DNAH5: variants seen among roughly 807,000 people sequenced by gnomAD.
The protein encoded by DNAH5 is dynein axonemal heavy chain 5.
Under a neutral mutation model 518.2 loss-of-function variants are expected in DNAH5, and 372 were observed. That is an observed-to-expected ratio of 0.72 (90% CI 0.66 to 0.78). The LOEUF (loss-of-function observed/expected upper bound fraction) is 0.78, where lower values mean the gene tolerates loss of function less well. DNAH5 is among the 30% of genes least tolerant of loss of function. The pLI, the probability that DNAH5 is intolerant of heterozygous loss-of-function variation, is 0.00. For missense variants in DNAH5, 5,523 were observed against 5,687.0 expected, an observed-to-expected ratio of 0.97 and a Z score of 0.93; for synonymous variants, 2,039 against 2,025.9, an observed-to-expected ratio of 1.01 and a Z score of -0.17.
At position 13,901,506 on chromosome 5, in the gene DNAH5, T is replaced by C. The variant is rs1007969837; in HGVS notation, c.1798A>G (p.Ile600Val). ...GTATACAGCTTTGAAATCATATCAATGTCAGCCCCATAGTTCTCAAGGATA... is the reference window on the plus strand; with the variant it reads ...GTATACAGCTTTGAAATCATATCAACGTCAGCCCCATAGTTCTCAAGGATA... ...QLILENYGAD[I>V]DMISKLYTKQ... Residue 600 changes from isoleucine (I) to valine (V), a missense_variant, in exon 14 of 79, where the codon ATT becomes GTT. Around this residue, in one of 3 missense-constraint regions of DNAH5, gnomAD observed 5,121 missense variants for 5,223.3 expected, o/e 0.98. Coordinates refer to ENST00000265104, the MANE Select transcript of DNAH5 (RefSeq NM_001369.3). The C allele has an allele frequency of 3.1e-6, 5 of 1,613,640 alleles. No homozygotes were observed. In the African/African-American group the frequency reaches 6.7e-5, roughly 22 times the overall value.
intron 28 of DNAH5, among the ~76,000 whole-genome samples, chr5:13,863,694 C>T (rs78866001): frequency 0.02 from 3,053 of 152,260 alleles, 117 homozygotes; most frequent in African/African-American, 0.069. Flanking sequence ...GTTTTTCCAT[C>T]ATTCTTCCCT....
At chr5:13,858,444 G>A (rs1767934587) in intron 30 of DNAH5, among the ~76,000 whole-genome samples, 1 of 152,128 alleles carries the variant, frequency 6.6e-6, no homozygotes, top group Non-Finnish European at 1.5e-5. Flanking sequence ...GGGAGGGATA[G>A]CATTAGGAGA....
At chr5:13,933,606 C>T (rs532599140) in intron 1 of DNAH5, among the ~76,000 whole-genome samples, 9 of 152,016 alleles carry the variant, frequency 5.9e-5, no homozygotes, top group East Asian at 3.9e-4. Context: ...GCCTGGCCAA[C>T]GTGCCAAAAC....
chr5:13,955,385 A>G (rs1780695168), intron 1 of DNAH5, among the ~76,000 whole-genome samples: 1 of 152,210 alleles, frequency 6.6e-6, no homozygotes, highest in African/African-American at 2.4e-5. Flanking sequence ...ATGTCTTTAT[A>G]GCAATGTGAA....
intron 58 of DNAH5, 110 bp from the exon 59 acceptor site, chr5:13,766,289 G>A (rs926682207): frequency 8.6e-7 from 1 of 1,165,338 alleles, no homozygotes; most frequent in Non-Finnish European, 1.3e-6. Context: ...ACTGTTTTAA[G>A]TTAGATGCAG....
chr5:13,889,919 C>G (rs1265716079), intron 17 of DNAH5, among the ~76,000 whole-genome samples: 7 of 152,078 alleles, frequency 4.6e-5, no homozygotes, highest in Admixed American at 2.0e-4. Context: ...TCTTGGAGAC[C>G]CCGGCACATC....
rs1753252767 is a variant in DNAH5, at chr5:13,770,922, C to T, written c.9432G>A (p.Glu3144=). ...DIDCSLEIKK[E]VVQCMGSFQD... is the part of the protein sequence containing the mutation. ...GGAAGGAGCCCATGCATTGGACCACCTCCTTCTTGATTTCCAAACTGCAGT... is the reference window on the plus strand; with the variant it reads ...GGAAGGAGCCCATGCATTGGACCACTTCCTTCTTGATTTCCAAACTGCAGT... The change falls in exon 56 of 79, where the codon GAG becomes GAA. Residue 3144 remains glutamate, a synonymous_variant. Transcript: ENST00000265104. 6.2e-7 allele frequency: 1 copy of T among 1,614,128 alleles called. No individual in the cohort carries two copies. The highest frequency in any genetic ancestry group is 1.3e-5 in the African/African-American group (1 of 75,052).
chr5:13,892,926 G>C (rs1188004677), intron 16 of DNAH5, among the ~76,000 whole-genome samples: 1 of 152,094 alleles, frequency 6.6e-6, no homozygotes, highest in African/African-American at 2.4e-5. Context: ...TCTCTGGCTT[G>C]ATATTCATTC....
At chr5:13,734,347 G>A (rs1391550745) in intron 68 of DNAH5, among the ~76,000 whole-genome samples, 2 of 152,164 alleles carry the variant, frequency 1.3e-5, no homozygotes, top group African/African-American at 2.4e-5. Flanking sequence ...ATAGCATTGA[G>A]AACTAAGATA....
intron 32 of DNAH5, among the ~76,000 whole-genome samples, chr5:13,843,376 A>G (rs895321): frequency 0.4 from 60,960 of 151,936 alleles, 12,626 homozygotes; most frequent in East Asian, 0.61. Context: ...TCCGTAATGT[A>G]ATGCACCTGG....
At chr5:13,943,284 T>C (rs1049483853) in intron 1 of DNAH5, among the ~76,000 whole-genome samples, 4 of 152,204 alleles carry the variant, frequency 2.6e-5, no homozygotes, top group African/African-American at 9.7e-5. Context: ...TAAAGGAAGA[T>C]TATTTTAAAA....
intron 29 of DNAH5, chr5:13,860,674 A>G (rs1301207669): frequency 6.6e-6 from 1 of 152,204 alleles, no homozygotes; most frequent in Non-Finnish European, 1.5e-5. Context: ...CCCCCATTCC[A>G]ACCTGAACCA....
intron 1 of DNAH5, among the ~76,000 whole-genome samples, chr5:13,933,451 CCACCAGTAT>C (rs1448604847): frequency 1.1e-4 from 17 of 152,084 alleles, no homozygotes; most frequent in Non-Finnish European, 1.5e-5. Context: ...AAATTGGGGA[CCACCAGTAT>C]CCCAGGAGCA....
At chr5:13,762,986 T>G (rs1751991402) in intron 59 of DNAH5, 85 bp from the exon 60 acceptor site, 1 of 1,167,086 alleles carries the variant, frequency 8.6e-7, no homozygotes, top group African/African-American at 1.5e-5. Flanking sequence ...CCACTGAAAC[T>G]ACTGAACGAC....
intron 14 of DNAH5, 66 bp downstream of exon 14, chr5:13,901,186 G>A: frequency 1.3e-6 from 2 of 1,541,478 alleles, no homozygotes; most frequent in East Asian, 4.5e-5. Flanking sequence ...AAATAACACT[G>A]TCAAATGCTA....
At chr5:13,813,473 A>G (rs1760999847) in intron 43 of DNAH5, among the ~76,000 whole-genome samples, 1 of 151,252 alleles carries the variant, frequency 6.6e-6, no homozygotes. Context: ...AAAAAAAAAA[A>G]CAATCCTGAG....
intron 68 of DNAH5, among the ~76,000 whole-genome samples, chr5:13,734,770 T>C (rs2126604411): frequency 6.6e-6 from 1 of 152,316 alleles, no homozygotes; most frequent in Non-Finnish European, 1.5e-5. Context: ...CACTTCATAA[T>C]GCCCTGTAAC....
intron 1 of DNAH5, among the ~76,000 whole-genome samples, chr5:13,942,666 G>C (rs1334397842): frequency 6.6e-6 from 1 of 151,858 alleles, no homozygotes; most frequent in Non-Finnish European, 1.5e-5. Context: ...CATCCCCCTG[G>C]CCTTTCTTCA....
chr5:13,956,213 T>C (rs1780752738), intron 1 of DNAH5, among the ~76,000 whole-genome samples: 2 of 152,202 alleles, frequency 1.3e-5, no homozygotes, highest in South Asian at 2.1e-4. Context: ...AGCTCATTCC[T>C]TGAATCTAAT....
Sources: gnomAD v4.1 joint callset for allele counts (sites outside exome capture counted in the v4.1 genomes callset) on GRCh38, gnomAD v4.1.1 for gene constraint, gnomAD v4.1.1 regional missense constraint, MANE v1.5 for transcripts, NCBI Gene and HGNC (gene_info 2026-07-23, HGNC 2026-07-21) for gene names.